Variants in FOXP4 observed in about 807,000 individuals in gnomAD.
FOXP4 encodes the protein forkhead box protein P4.
In FOXP4, 25 loss-of-function variants were observed where a neutral mutation model predicts 82.6. The observed-to-expected ratio is 0.30, with a 90% CI of 0.22 to 0.42. The LOEUF (loss-of-function observed/expected upper bound fraction) is 0.42, where lower values mean the gene tolerates loss of function less well. Ranked by LOEUF, FOXP4 falls within the 10% of genes least tolerant of loss-of-function variation. The pLI, the probability that FOXP4 is intolerant of heterozygous loss-of-function variation, is 1.00. For synonymous variants in FOXP4, 415 were observed against 388.2 expected (o/e 1.07, Z -0.81); for missense variants, 785 against 900.9 (o/e 0.87, Z 1.65).
At chr6:41,598,154 C>T (rs948945068) in intron 16 of FOXP4, among the ~76,000 whole-genome samples, 2 of 151,524 alleles carry the variant, frequency 1.3e-5, no homozygotes, top group Non-Finnish European at 3.0e-5. Context: ...CCCCACCTCC[C>T]CACCTTCCCA....
At chr6:41,571,406 A>G (rs972145756) in intron 2 of FOXP4, among the ~76,000 whole-genome samples, 1 of 152,250 alleles carries the variant, frequency 6.6e-6, no homozygotes, top group African/African-American at 2.4e-5. Flanking sequence ...GCAGTTCCTC[A>G]TCCACGCTGT....
intron 2 of FOXP4, among the ~76,000 whole-genome samples, chr6:41,568,120 T>C (rs1051739232): frequency 1.3e-5 from 2 of 152,262 alleles, no homozygotes; most frequent in African/African-American, 4.8e-5. Context: ...TAACATTTTC[T>C]GGTCCCCAAC....
At chr6:41,548,210 T>A (rs1489269058) in intron 1 of FOXP4, among the ~76,000 whole-genome samples, 1 of 152,088 alleles carries the variant, frequency 6.6e-6, no homozygotes, top group Non-Finnish European at 1.5e-5. Flanking sequence ...CGTCTGGAGA[T>A]CACCGCGTGT....
chr6:41,546,942 C>G (rs1284226924), intron 1 of FOXP4, 75 bp downstream of exon 1: 1 of 151,142 alleles, frequency 6.6e-6, no homozygotes, highest in Admixed American at 6.6e-5. Context: ...CGCTCGCGCA[C>G]TCTCTCGCCC....
chr6:41,595,058 C>T, intron 14 of FOXP4, 67 bp downstream of exon 14: 2 of 1,603,260 alleles, frequency 1.2e-6, no homozygotes, highest in Non-Finnish European at 1.7e-6. Flanking sequence ...ACCCCCACCC[C>T]CTACCTCTCC....
Position 41,548,444 on chromosome 6 carries a change from C to T in FOXP4, c.-17+1577C>T, listed in dbSNP as rs538409770. The T allele has an allele frequency of 2.0e-5, 3 of 152,424 alleles. No homozygotes were observed. The East Asian group carries it at 5.8e-4, about 29-fold the overall frequency. The allele number at this position is 152,424 out of a possible 1,614,324, so 9.4% of individuals were successfully genotyped here. On this transcript the variant is annotated intron_variant, in intron 1 of 16. Coordinates refer to ENST00000307972, the MANE Select transcript of FOXP4 (RefSeq NM_001012426.2). ...AGATTCGTCCCAGCACGCACTGTTT[C>T]GGGTTCGGGATTGAGGGTTAGGGCA... is the stretch of plus-strand genomic sequence containing the variant.
chr6:41,556,518 G>A (rs1343730117), intron 1 of FOXP4, among the ~76,000 whole-genome samples: 1 of 152,044 alleles, frequency 6.6e-6, no homozygotes, highest in Non-Finnish European at 1.5e-5. Flanking sequence ...TAGAGATAGG[G>A]TTTCACCATG....
At position 41,600,449 on chromosome 6, in the gene FOXP4, C is replaced by T. The variant is rs1275940909; in HGVS notation, c.*1513C>T. On this transcript the variant is annotated 3_prime_UTR_variant, in exon 17 of 17. Coordinates refer to ENST00000307972, the MANE Select transcript of FOXP4 (RefSeq NM_001012426.2). ...GGCGTATCGGATGCTCATAACACCCCTGGCCTGGCCCCTTTACTGAGAAGA... is the reference window on the plus strand; with the variant it reads ...GGCGTATCGGATGCTCATAACACCCTTGGCCTGGCCCCTTTACTGAGAAGA... The T allele has an allele frequency of 6.6e-6, 1 of 152,570 alleles. No homozygotes were observed. Among genetic ancestry groups the T allele is most frequent in the East Asian group, 1.9e-4 (1 of 5,186 alleles). The allele number at this position is 152,570 out of a possible 1,614,324, so 9.5% of individuals were successfully genotyped here.
chr6:41,586,997 G>A lies in FOXP4; in HGVS notation c.511-12G>A, dbSNP rs537526853. ...CACCCCTCTCTGCCCGCCCCCTCGG[G>A]CCCCTCACCAGGCACTGGGGAACAA... is the stretch of plus-strand genomic sequence containing the variant. On this transcript the variant is annotated splice_polypyrimidine_tract_variant and intron_variant, in intron 5 of 16. Transcript: ENST00000307972. 1.2e-5 allele frequency: 19 copies of A among 1,570,028 alleles called. No individual in the cohort carries two copies. The African/African-American group carries it at 2.6e-4, about 21-fold the overall frequency.
At chr6:41,595,584 T>A (rs928815154) in intron 14 of FOXP4, among the ~76,000 whole-genome samples, 7 of 152,086 alleles carry the variant, frequency 4.6e-5, no homozygotes, top group Admixed American at 3.3e-4. Flanking sequence ...ATTTATTATT[T>A]TTTTAATTTT....
chr6:41,572,461 T>C (rs930440099), intron 2 of FOXP4, among the ~76,000 whole-genome samples: 2 of 152,214 alleles, frequency 1.3e-5, no homozygotes, highest in African/African-American at 4.8e-5. Flanking sequence ...CCTGTGGGGC[T>C]TAATAACCAC....
At chr6:41,572,817 G>A (rs1765275660) in intron 2 of FOXP4, among the ~76,000 whole-genome samples, 1 of 152,124 alleles carries the variant, frequency 6.6e-6, no homozygotes, top group African/African-American at 2.4e-5. Flanking sequence ...TCTTCCCTGT[G>A]CAGAGCCCAG....
In FOXP4 at chr6:41,601,674, C is replaced by T. The variant is rs1241174202; in HGVS notation, c.*2738C>T. ...TATTTTTAGTAGAGACGGGGTTTCT[C>T]TATGTTGGTCAGGCTGATCTCGAAC... On this transcript the variant is annotated 3_prime_UTR_variant, in exon 17 of 17. Coordinates refer to ENST00000307972, the MANE Select transcript of FOXP4 (RefSeq NM_001012426.2). 1.3e-5 allele frequency: 2 copies of T among 152,132 alleles called. No homozygotes were observed. The highest frequency in any genetic ancestry group is 4.8e-5 in the African/African-American group (2 of 41,400). The allele number at this position is 152,132 out of a possible 1,614,324, so 9.4% of individuals were successfully genotyped here.
At chr6:41,554,926 T>C (rs1764192772) in intron 1 of FOXP4, among the ~76,000 whole-genome samples, 1 of 151,222 alleles carries the variant, frequency 6.6e-6, no homozygotes, top group African/African-American at 2.4e-5. Context: ...AAGGACACCC[T>C]GACCCAAATC....
chr6:41,585,468 A>G lies in FOXP4; in HGVS notation c.461A>G (p.His154Arg). Residue 154 changes from histidine to arginine, a missense_variant, in exon 5 of 17, where the codon CAC (histidine) becomes CGC (arginine). Coordinates refer to ENST00000307972, the MANE Select transcript of FOXP4 (RefSeq NM_001012426.2). ...TACAAGAAGCAGCAGGAGCAGCTCC[A>G]CCTGCAGCTCCTCACCCAGCAGCAG... ...EYYKKQQEQL[H>R]LQLLTQQQAG... 1 of 1,613,824 alleles carries G rather than the reference A, an allele frequency of 6.2e-7. No homozygotes were observed. The highest frequency in any genetic ancestry group is 1.1e-5 in the South Asian group (1 of 91,068).
chr6:41,591,966 A>G lies in FOXP4; in HGVS notation c.1536+644A>G, dbSNP rs1471341020. On this transcript the variant is annotated intron_variant, in intron 13 of 16. Coordinates refer to ENST00000307972, the MANE Select transcript of FOXP4 (RefSeq NM_001012426.2). This position sits in a 1 kb window ranked among gnomAD's most constrained non-coding sequence, Gnocchi z 4.2. ...GAGACAGATGCTGGGGTACTAGGCCATTTATTTTTCTATAGCCAAAAGGGG... is the reference window on the plus strand; with the variant it reads ...GAGACAGATGCTGGGGTACTAGGCCGTTTATTTTTCTATAGCCAAAAGGGG... Among the ~76,000 whole-genome samples the G allele has an allele frequency of 1.3e-5, 2 of 151,460 alleles. No homozygotes were observed. The highest frequency in any genetic ancestry group is 1.3e-4 in the Admixed American group (2 of 15,234).
chr6:41,585,328 A>T, intron 4 of FOXP4, 103 bp from the exon 5 acceptor site: 1 of 1,188,760 alleles, frequency 8.4e-7, no homozygotes, highest in Non-Finnish European at 1.2e-6. Flanking sequence ...ACCATGTTTT[A>T]GGGAAACTCC....
chr6:41,589,152 T>A (rs750269156), intron 9 of FOXP4, among the ~76,000 whole-genome samples: 2 of 152,200 alleles, frequency 1.3e-5, no homozygotes, highest in Non-Finnish European at 2.9e-5. Flanking sequence ...AACTTGCCTG[T>A]GAGTGGCAGA....
Position 41,584,891 on chromosome 6 carries a change from G to A in FOXP4, c.423G>A (p.Gln141=). The change falls in exon 4 of 17, where the codon CAG becomes CAA. Residue 141 remains glutamine (Q), a splice_region_variant and synonymous_variant. Transcript: ENST00000307972. ...LQQQQALMLQ[Q]LQEYYKKQQE... is the part of the protein sequence containing the mutation. ...AGCAGCAAGCCCTCATGCTCCAGCA[G>A]GTGAGTCTGGCCCCAGGGCAGCTGG... 6.2e-7 allele frequency: 1 copy of A among 1,609,100 alleles called. No homozygotes were observed. Among genetic ancestry groups the A allele is most frequent in the Non-Finnish European group, 8.5e-7 (1 of 1,178,606 alleles).
Sources: allele counts gnomAD v4.1 joint callset (sites outside exome capture counted in the v4.1 genomes callset), GRCh38; gene constraint gnomAD v4.1.1; non-coding constraint Gnocchi (gnomAD v3.1); transcripts MANE v1.5; gene names NCBI Gene and HGNC (gene_info 2026-07-23, HGNC 2026-07-21).